The following PAWR variants were observed in gnomAD, a reference collection of about 807,000 sequenced individuals.
The protein encoded by PAWR is PRKC apoptosis WT1 regulator protein.
A neutral mutation model predicts 32.0 loss-of-function variants in PAWR; 23 were observed. The observed-to-expected ratio is 0.72, with a 90% CI of 0.52 to 1.02. The LOEUF (loss-of-function observed/expected upper bound fraction) is 1.02, where lower values mean the gene tolerates loss of function less well. Ranked by LOEUF, PAWR falls within the 50% of genes least tolerant of loss-of-function variation. The pLI, the probability that PAWR is intolerant of heterozygous loss-of-function variation, is 0.00. For missense variants in PAWR, 457 were observed against 437.7 expected, an observed-to-expected ratio of 1.04 and a Z score of -0.39; for synonymous variants, 226 against 187.1, an observed-to-expected ratio of 1.21 and a Z score of -1.70.
At chr12:79,656,734 C>G (rs902149067) in intron 2 of PAWR, among the ~76,000 whole-genome samples, 7 of 152,150 alleles carry the variant, frequency 4.6e-5, no homozygotes, top group Non-Finnish European at 1.0e-4. Context: ...AGATTTACCA[C>G]CATCCCTGAA....
chr12:79,632,495 A>T (rs1027766996), intron 2 of PAWR, among the ~76,000 whole-genome samples: 1 of 149,832 alleles, frequency 6.7e-6, no homozygotes, highest in Non-Finnish European at 1.5e-5. Flanking sequence ...GGTAGGTGAG[A>T]CTATGGGTGC....
rs114078762 is a variant in PAWR at position 79,633,403 on chromosome 12, T to C, written c.517-12196A>G. ...GAAAAGACACTCAACATCATGTCAT[T>C]AGGGAAATGCAAGCTGAAACCATAA... On this transcript the variant is annotated intron_variant, in intron 2 of 6. Transcript: ENST00000328827. Among the ~76,000 whole-genome samples, 323 of 152,202 alleles carry C rather than the reference T, an allele frequency of 2.1e-3. 2 individuals carry two copies. The highest frequency in any genetic ancestry group is 7.6e-3 in the African/African-American group (315 of 41,524).
intron 2 of PAWR, among the ~76,000 whole-genome samples, chr12:79,628,143 A>G (rs1368443002): frequency 6.6e-6 from 1 of 152,238 alleles, no homozygotes; most frequent in African/African-American, 2.4e-5. Context: ...AGAACTCAGG[A>G]TTAAGAAACT....
At chr12:79,630,616 T>C (rs1875571532) in intron 2 of PAWR, among the ~76,000 whole-genome samples, 1 of 152,226 alleles carries the variant, frequency 6.6e-6, no homozygotes, top group South Asian at 2.1e-4. Flanking sequence ...GCCAGTAAAT[T>C]TGGTAACTTT....
chr12:79,627,179 T>G (rs1195108456), intron 2 of PAWR, among the ~76,000 whole-genome samples: 2 of 152,112 alleles, frequency 1.3e-5, no homozygotes, highest in African/African-American at 4.8e-5. Context: ...ACTTCCACAA[T>G]GGTTGAACTA....
At chr12:79,611,463 C>T (rs1394295677) in intron 4 of PAWR, among the ~76,000 whole-genome samples, 2 of 151,370 alleles carry the variant, frequency 1.3e-5, no homozygotes, top group African/African-American at 2.4e-5. Context: ...CAGCAGACAC[C>T]TTCACTAAGA....
At chr12:79,625,854 G>T (rs537657976) in intron 2 of PAWR, among the ~76,000 whole-genome samples, 1 of 149,940 alleles carries the variant, frequency 6.7e-6, no homozygotes, top group Non-Finnish European at 1.5e-5. Flanking sequence ...CAGACGGGTG[G>T]AAGCAGATTA....
Position 79,589,578 on chromosome 12 carries a change from C to G in PAWR, c.*3029G>C, listed in dbSNP as rs1873487776. ...TGCTAATCTACTATATTTAGTAAAT[C>G]CCTTAGTACCTATAAATACACACCC... On this transcript the variant is annotated 3_prime_UTR_variant, in exon 7 of 7. Transcript: ENST00000328827. The G allele has an allele frequency of 6.6e-6, 1 of 151,968 alleles. No individual in the cohort carries two copies. The highest frequency in any genetic ancestry group is 2.4e-5 in the African/African-American group (1 of 41,380). 9.4% of individuals were successfully genotyped at this position (151,968 alleles called of 1,614,324 possible). A position where few individuals can be genotyped will look rare whatever the true frequency, so the allele number is the denominator to read the frequency against.
intron 4 of PAWR, among the ~76,000 whole-genome samples, chr12:79,606,023 G>A (rs1002628538): frequency 6.6e-6 from 1 of 152,046 alleles, no homozygotes; most frequent in Non-Finnish European, 1.5e-5. Flanking sequence ...GCAGTGAGCC[G>A]AGATTGCACC....
intron 6 of PAWR, among the ~76,000 whole-genome samples, 171 bp downstream of exon 6, chr12:79,594,158 C>G (rs1443875259): frequency 6.6e-6 from 1 of 152,164 alleles, no homozygotes; most frequent in Non-Finnish European, 1.5e-5. Context: ...AAACTGATAA[C>G]TGCCCAAAGG....
At chr12:79,594,937 G>A (rs183113597) in intron 5 of PAWR, among the ~76,000 whole-genome samples, 1 of 152,064 alleles carries the variant, frequency 6.6e-6, no homozygotes, top group Non-Finnish European at 1.5e-5. Context: ...GGCTGGTCTC[G>A]AACTCCTGAC....
At chr12:79,652,083 G>C (rs964180644) in intron 2 of PAWR, among the ~76,000 whole-genome samples, 11 of 152,090 alleles carry the variant, frequency 7.2e-5, no homozygotes, top group Non-Finnish European at 1.6e-4. Flanking sequence ...TGGTTGGCCA[G>C]AGGGGGGTGG....
intron 2 of PAWR, among the ~76,000 whole-genome samples, chr12:79,646,308 G>C (rs1044723108): frequency 6.6e-6 from 1 of 152,184 alleles, no homozygotes; most frequent in South Asian, 2.1e-4. Context: ...ACCTCAGTCA[G>C]GCAACTATCC....
At chr12:79,602,645 C>T (rs1366187895) in intron 4 of PAWR, among the ~76,000 whole-genome samples, 3 of 152,280 alleles carry the variant, frequency 2.0e-5, no homozygotes, top group African/African-American at 7.2e-5. Context: ...ATGTCAACTA[C>T]TGAAATCCAT....
At chr12:79,689,146 G>T (rs148457939) in intron 2 of PAWR, among the ~76,000 whole-genome samples, 10 of 152,152 alleles carry the variant, frequency 6.6e-5, no homozygotes, top group Admixed American at 6.5e-4. Context: ...GAAAAACACT[G>T]TGTGTTTAGG....
At chr12:79,628,271 C>T (rs1157722090) in intron 2 of PAWR, among the ~76,000 whole-genome samples, 1 of 152,066 alleles carries the variant, frequency 6.6e-6, no homozygotes, top group Non-Finnish European at 1.5e-5. Flanking sequence ...AGAACAAAGA[C>T]ACAACATACA....
At position 79,586,857 on chromosome 12, in the gene PAWR, A is replaced by T. The variant is rs1181267068; in HGVS notation, c.*5750T>A. The T allele has an allele frequency of 6.6e-6, 1 of 152,198 alleles. No individual in the cohort carries two copies. The allele number at this position is 152,198 out of a possible 1,614,324, so 9.4% of individuals were successfully genotyped here. On this transcript the variant is annotated 3_prime_UTR_variant, in exon 7 of 7. Coordinates refer to ENST00000328827, the MANE Select transcript of PAWR (RefSeq NM_002583.4). ...CTTGCTAGTGTCTATCTGGTTAGACATCAGAATAAAATGAATGGACTGTAA... is the reference window on the plus strand; with the variant it reads ...CTTGCTAGTGTCTATCTGGTTAGACTTCAGAATAAAATGAATGGACTGTAA...
intron 3 of PAWR, among the ~76,000 whole-genome samples, chr12:79,613,858 G>A (rs533774425): frequency 2.2e-5 from 3 of 138,384 alleles, no homozygotes; most frequent in East Asian, 4.3e-4. Context: ...AATGGACAAG[G>A]CCGGGGGCAT....
chr12:79,623,083 C>T lies in PAWR; in HGVS notation c.517-1876G>A, dbSNP rs188831133. Among the ~76,000 whole-genome samples, 383 of 152,140 alleles carry T rather than the reference C, an allele frequency of 2.5e-3. 2 individuals carry two copies. The highest frequency in any genetic ancestry group is 7.8e-3 in the African/African-American group (322 of 41,504). ...AACCTGGAAATAGCAATGCAGAGAACAGGAACAAGACCAAAAGTGAAAAGA... is the reference window on the plus strand; with the variant it reads ...AACCTGGAAATAGCAATGCAGAGAATAGGAACAAGACCAAAAGTGAAAAGA... On this transcript the variant is annotated intron_variant, in intron 2 of 6. Coordinates refer to ENST00000328827, the MANE Select transcript of PAWR (RefSeq NM_002583.4).
Sources: allele counts gnomAD v4.1 joint callset (sites outside exome capture counted in the v4.1 genomes callset), GRCh38; gene constraint gnomAD v4.1.1; transcripts MANE v1.5; gene names NCBI Gene and HGNC (gene_info 2026-07-23, HGNC 2026-07-21).